Variants in SLC17A8 observed in about 807,000 individuals in gnomAD.
The protein encoded by SLC17A8 is solute carrier family 17 member 8.
Under a neutral mutation model 58.0 loss-of-function variants are expected in SLC17A8, and 31 were observed. The observed-to-expected ratio is 0.53, with a 90% CI of 0.40 to 0.72. The LOEUF (loss-of-function observed/expected upper bound fraction) is 0.72, where lower values mean the gene tolerates loss of function less well. SLC17A8 is among the 30% of genes least tolerant of loss of function. The probability of loss-of-function intolerance (pLI) is 0.00; values close to 1 mark genes in which losing one functional copy is unlikely to be tolerated. For missense variants in SLC17A8, 655 were observed against 727.8 expected (o/e 0.90, Z 1.15); for synonymous variants, 228 against 249.0 (o/e 0.92, Z 0.79).
intron 1 of SLC17A8, among the ~76,000 whole-genome samples, chr12:100,363,613 G>A (rs941370852): frequency 1.3e-5 from 2 of 151,990 alleles, no homozygotes; most frequent in Admixed American, 6.6e-5. Context: ...TGATCCACCC[G>A]CCTTGGCCTC....
At chr12:100,383,841 C>A (rs939927602) in intron 2 of SLC17A8, among the ~76,000 whole-genome samples, 93 of 151,614 alleles carry the variant, frequency 6.1e-4, no homozygotes, top group African/African-American at 2.2e-3. Flanking sequence ...TAGCTGGGTC[C>A]ACAGGCTCAT....
intron 9 of SLC17A8, among the ~76,000 whole-genome samples, chr12:100,406,366 T>C (rs566720504): frequency 6.6e-6 from 1 of 152,208 alleles, no homozygotes; most frequent in Admixed American, 6.5e-5. Context: ...GAATGTGGCC[T>C]GTGTGAGAAT....
chr12:100,418,145 A>C lies in SLC17A8; in HGVS notation c.1414A>C (p.Thr472Pro). The change falls in exon 11 of 12, where the codon ACC becomes CCC. Residue 472 changes from threonine (T) to proline (P), a missense_variant. Transcript: ENST00000323346. ...CTGTCCCCTCATTGTCGGTGCAATG[A>C]CCAGGCACAAGGTAAAGGTCTCCTT... is the stretch of plus-strand genomic sequence containing the variant. Reference protein sequence around the residue: ...MVCPLIVGAMTRHKTREEWQN... With the variant: ...MVCPLIVGAMPRHKTREEWQN... 6.2e-7 allele frequency: 1 copy of C among 1,614,120 alleles called. No individual in the cohort carries two copies. Among genetic ancestry groups the C allele is most frequent in the Non-Finnish European group, 8.5e-7 (1 of 1,180,018 alleles).
chr12:100,379,382 C>T (rs1326544067), intron 1 of SLC17A8, among the ~76,000 whole-genome samples: 1 of 142,910 alleles, frequency 7.0e-6, no homozygotes, highest in Non-Finnish European at 1.5e-5. Flanking sequence ...TTGCAGTGAG[C>T]CGAGAATCGT....
chr12:100,362,461 C>A (rs1952491047), intron 1 of SLC17A8, among the ~76,000 whole-genome samples: 1 of 152,122 alleles, frequency 6.6e-6, no homozygotes, highest in African/African-American at 2.4e-5. Context: ...AACTCCTGGG[C>A]TCAGGAGATC....
At chr12:100,379,252 C>T (rs61941779) in intron 1 of SLC17A8, among the ~76,000 whole-genome samples, 145,469 of 151,876 alleles carry the variant, frequency 0.96, 69,730 homozygotes, top group East Asian at 1. Flanking sequence ...CTGGCTAACA[C>T]GGTGAAACCC....
chr12:100,399,995 C>T (rs1952780377), intron 5 of SLC17A8, among the ~76,000 whole-genome samples: 1 of 152,150 alleles, frequency 6.6e-6, no homozygotes, highest in Non-Finnish European at 1.5e-5. Context: ...CTGGCTTTCT[C>T]CTTATAAAAT....
chr12:100,386,331 GCTA>G (rs1952674145), intron 2 of SLC17A8, among the ~76,000 whole-genome samples: 1 of 152,068 alleles, frequency 6.6e-6, no homozygotes, highest in Non-Finnish European at 1.5e-5. Context: ...TAACATGAGA[GCTA>G]CTGTTTTAAT....
rs370707201 is a variant in SLC17A8, at chr12:100,418,149, G to A, written c.1418G>A (p.Arg473Lys). Residue 473 changes from arginine to lysine, a missense_variant, in exon 11 of 12, where the codon AGG (arginine) becomes AAG (lysine). Coordinates refer to ENST00000323346, the MANE Select transcript of SLC17A8 (RefSeq NM_139319.3). ...VCPLIVGAMT[R>K]HKTREEWQNV... Reference sequence around the variant, plus strand: ...CCCCTCATTGTCGGTGCAATGACCAGGCACAAGGTAAAGGTCTCCTTTGTG... The same window carrying A: ...CCCCTCATTGTCGGTGCAATGACCAAGCACAAGGTAAAGGTCTCCTTTGTG... 6.2e-7 allele frequency: 1 copy of A among 1,614,000 alleles called. No homozygotes were observed. The highest frequency in any genetic ancestry group is 1.3e-5 in the African/African-American group (1 of 74,890).
Position 100,402,530 on chromosome 12 carries a change from G to T in SLC17A8, c.903+51G>T, listed in dbSNP as rs748402878. ...CTTACCTTTTTTCATAAGTGATTGTGTTGCCTTCTTACAGAAAAAATGTCA... is the reference window on the plus strand; with the variant it reads ...CTTACCTTTTTTCATAAGTGATTGTTTTGCCTTCTTACAGAAAAAATGTCA... On this transcript the variant is annotated intron_variant, in intron 7 of 11. Coordinates refer to ENST00000323346, the MANE Select transcript of SLC17A8 (RefSeq NM_139319.3). The T allele has an allele frequency of 1.2e-6, 2 of 1,613,102 alleles. 1 individual carries two copies. Among genetic ancestry groups the T allele is most frequent in the South Asian group, 2.2e-5 (2 of 90,958 alleles).
chr12:100,369,571 G>A (rs987742010), intron 1 of SLC17A8, among the ~76,000 whole-genome samples: 52 of 152,246 alleles, frequency 3.4e-4, no homozygotes, highest in African/African-American at 1.1e-3. Flanking sequence ...GTTCTGTCCC[G>A]TATCTAAATC....
At chr12:100,358,163 A>T (rs1952461323) in intron 1 of SLC17A8, among the ~76,000 whole-genome samples, 1 of 152,218 alleles carries the variant, frequency 6.6e-6, no homozygotes, top group Admixed American at 6.5e-5. Context: ...GATTGAATTA[A>T]TGTGACAGTT....
Position 100,357,103 on chromosome 12 carries a change from C to T in SLC17A8, c.-289C>T, listed in dbSNP as rs955337667. ...TGAGAGTGGCTGCCTGAGACAGCTG[C>T]CACAGGCTGCTGCAGAGCGTGCAGC... is the stretch of plus-strand genomic sequence containing the variant. On this transcript the variant is annotated 5_prime_UTR_variant, in exon 1 of 12. Coordinates refer to ENST00000323346, the MANE Select transcript of SLC17A8 (RefSeq NM_139319.3). 1.0e-5 allele frequency: 4 copies of T among 385,610 alleles called. No individual in the cohort carries two copies. Among genetic ancestry groups the T allele is most frequent in the African/African-American group, 2.1e-5 (1 of 48,032 alleles). 23.9% of individuals were successfully genotyped at this position (385,610 alleles called of 1,614,324 possible). A position where few individuals can be genotyped will look rare whatever the true frequency, so the allele number is the denominator to read the frequency against.
chr12:100,373,222 CA>C (rs1952570392), intron 1 of SLC17A8, among the ~76,000 whole-genome samples: 1 of 152,106 alleles, frequency 6.6e-6, no homozygotes, highest in South Asian at 2.1e-4. Context: ...TCTAAAAGAC[CA>C]ACTGCAGTCA....
At chr12:100,417,525 G>A (rs1041051265) in intron 10 of SLC17A8, among the ~76,000 whole-genome samples, 17 of 152,204 alleles carry the variant, frequency 1.1e-4, no homozygotes, top group African/African-American at 4.1e-4. Flanking sequence ...TTCTCCCAAT[G>A]TTTGTGCAAA....
chr12:100,396,510 A>G, intron 5 of SLC17A8, 93 bp downstream of exon 5: 1 of 928,798 alleles, frequency 1.1e-6, no homozygotes, highest in Non-Finnish European at 1.7e-6. Flanking sequence ...CACTTTAGGG[A>G]GGCCGAGGCA....
At chr12:100,361,688 G>A (rs1379810499) in intron 1 of SLC17A8, among the ~76,000 whole-genome samples, 2 of 152,212 alleles carry the variant, frequency 1.3e-5, no homozygotes, top group African/African-American at 4.8e-5. Context: ...GAGGCTGGGT[G>A]TGGTGGCTCA....
intron 1 of SLC17A8, among the ~76,000 whole-genome samples, chr12:100,377,088 G>C (rs1952599765): frequency 6.6e-6 from 1 of 152,096 alleles, no homozygotes; most frequent in South Asian, 2.1e-4. Flanking sequence ...GGGATTACAG[G>C]CGTGAGCTAC....
intron 1 of SLC17A8, among the ~76,000 whole-genome samples, chr12:100,359,508 C>T (rs963387745): frequency 6.6e-6 from 1 of 152,140 alleles, no homozygotes; most frequent in East Asian, 1.9e-4. Flanking sequence ...AAACAGCTAG[C>T]ACAGTACTAG....
Sources: allele counts gnomAD v4.1 joint callset (sites outside exome capture counted in the v4.1 genomes callset), GRCh38; gene constraint gnomAD v4.1.1; transcripts MANE v1.5; gene names NCBI Gene and HGNC (gene_info 2026-07-23, HGNC 2026-07-21).